AKR1C8: variants seen among roughly 807,000 people sequenced by gnomAD.
AKR1C8 encodes the protein aldo-keto reductase family 1 member C-like protein 1.
At chr10:5,176,072 T>C in the AKR1C8 span, among the ~76,000 whole-genome samples, 1 of 151,956 alleles carries the variant, frequency 6.6e-6, no homozygotes, top group East Asian at 1.9e-4. Context: ...TCCTGAATGG[T>C]AATGCCTAGG....
chr10:5,134,746 C>T, the AKR1C8 span, among the ~76,000 whole-genome samples: 32 of 152,134 alleles, frequency 2.1e-4, no homozygotes, highest in African/African-American at 7.0e-4. Context: ...AGATTTTGTT[C>T]GATCATGTAT....
At chr10:5,138,274 G>C in the AKR1C8 span, among the ~76,000 whole-genome samples, 4 of 151,974 alleles carry the variant, frequency 2.6e-5, no homozygotes, top group Non-Finnish European at 5.9e-5. Flanking sequence ...GCCGTTTATA[G>C]ACCTCACCCC....
chr10:5,133,414 T>A, the AKR1C8 span, among the ~76,000 whole-genome samples: 1 of 152,152 alleles, frequency 6.6e-6, no homozygotes, highest in Non-Finnish European at 1.5e-5. Context: ...TTTAATATAG[T>A]GAAATTAACA....
At chr10:5,181,644 AAAT>A in the AKR1C8 span, among the ~76,000 whole-genome samples, 10 of 152,332 alleles carry the variant, frequency 6.6e-5, no homozygotes, top group African/African-American at 2.2e-4. Context: ...ATATTTCAGT[AAAT>A]AATATTAATG....
chr10:5,162,680 T>C, the AKR1C8 span, among the ~76,000 whole-genome samples: 1 of 152,204 alleles, frequency 6.6e-6, no homozygotes, highest in Non-Finnish European at 1.5e-5. Flanking sequence ...CACTGAAGAA[T>C]TGTGTTCTAC....
At chr10:5,130,385 C>T in the AKR1C8 span, among the ~76,000 whole-genome samples, 7 of 152,012 alleles carry the variant, frequency 4.6e-5, no homozygotes, top group South Asian at 2.1e-4. Context: ...AATTTTACCA[C>T]TTCTGTTAAT....
the AKR1C8 span, among the ~76,000 whole-genome samples, chr10:5,174,158 TAAAA>T: frequency 1.4e-5 from 2 of 147,298 alleles, no homozygotes; most frequent in Non-Finnish European, 1.5e-5. Context: ...GCCCTGTTCT[TAAAA>T]AAAAAACTCC....
the AKR1C8 span, among the ~76,000 whole-genome samples, chr10:5,115,922 A>C: frequency 6.6e-6 from 1 of 152,300 alleles, no homozygotes; most frequent in East Asian, 1.9e-4. Context: ...ACATGGTCAT[A>C]GCCAGTATTG....
At chr10:5,163,785 G>A in the AKR1C8 span, among the ~76,000 whole-genome samples, 3 of 152,070 alleles carry the variant, frequency 2.0e-5, no homozygotes, top group South Asian at 6.2e-4. Context: ...TGTCCTTTAT[G>A]CCTAAGACAT....
At chr10:5,122,070 A>G in the AKR1C8 span, 1 of 126,932 alleles carries the variant, frequency 7.9e-6, no homozygotes. Flanking sequence ...CTGTGAAAGA[A>G]TCTGCATCAC....
the AKR1C8 span, among the ~76,000 whole-genome samples, chr10:5,159,093 C>A: frequency 6.6e-6 from 1 of 152,116 alleles, no homozygotes; most frequent in African/African-American, 2.4e-5. Flanking sequence ...ATAAGAATGA[C>A]AATGACGCAT....
At chr10:5,176,500 T>C in the AKR1C8 span, among the ~76,000 whole-genome samples, 1 of 150,712 alleles carries the variant, frequency 6.6e-6, no homozygotes, top group African/African-American at 2.4e-5. Context: ...AGTAGTTTTT[T>C]CCAATTCTGT....
chr10:5,161,839 G>A, the AKR1C8 span: 1 of 534,574 alleles, frequency 1.9e-6, no homozygotes, highest in Non-Finnish European at 3.8e-6. Flanking sequence ...GCATAACAAG[G>A]AAAAACAAAA....
chr10:5,121,554 A>G, the AKR1C8 span, among the ~76,000 whole-genome samples: 1 of 152,132 alleles, frequency 6.6e-6, no homozygotes, highest in African/African-American at 2.4e-5. Flanking sequence ...GTAATGCCAC[A>G]TTAAGGAGAA....
At chr10:5,126,602 C>A in the AKR1C8 span, among the ~76,000 whole-genome samples, 3 of 152,040 alleles carry the variant, frequency 2.0e-5, no homozygotes, top group Non-Finnish European at 4.4e-5. Flanking sequence ...GGGGTGGTAT[C>A]CCTGGGTAGG....
At chr10:5,180,861 G>A in the AKR1C8 span, among the ~76,000 whole-genome samples, 7 of 152,228 alleles carry the variant, frequency 4.6e-5, no homozygotes, top group Non-Finnish European at 1.0e-4. Context: ...TAGGGTAGGA[G>A]TGACCCGATT....
chr10:5,152,353 G>A, the AKR1C8 span, among the ~76,000 whole-genome samples: 19 of 152,168 alleles, frequency 1.2e-4, no homozygotes, highest in East Asian at 1.9e-3. Flanking sequence ...TGCTGTTACC[G>A]CCAAAAATGG....
chr10:5,150,121 G>A, the AKR1C8 span, among the ~76,000 whole-genome samples: 22 of 151,346 alleles, frequency 1.5e-4, no homozygotes, highest in African/African-American at 5.2e-4. Context: ...GCTCTTCACT[G>A]AGGGGATTCC....
chr10:5,171,653 A>G, the AKR1C8 span, among the ~76,000 whole-genome samples: 1 of 152,022 alleles, frequency 6.6e-6, no homozygotes, highest in East Asian at 1.9e-4. Flanking sequence ...ACTCTTTTTA[A>G]CCCTTTATAA....
Sources: gnomAD v4.1 joint callset for allele counts (sites outside exome capture counted in the v4.1 genomes callset) on GRCh38, gnomAD v4.1.1 for gene constraint, MANE v1.5 for transcripts, NCBI Gene and HGNC (gene_info 2026-07-23, HGNC 2026-07-21) for gene names.